Variants in NPAS3 observed in about 807,000 individuals in gnomAD.
The protein encoded by NPAS3 is neuronal PAS domain-containing protein 3.
Under a neutral mutation model 73.1 loss-of-function variants are expected in NPAS3, and 14 were observed. The ratio of observed to expected loss-of-function variants is 0.19; its 90% CI spans 0.13 to 0.30. The LOEUF is 0.30. Ranked by LOEUF, NPAS3 falls within the 10% of genes least tolerant of loss-of-function variation. The probability of loss-of-function intolerance (pLI) is 1.00; values close to 1 mark genes in which losing one functional copy is unlikely to be tolerated. For missense variants in NPAS3, 1,096 were observed against 1,250.0 expected, an observed-to-expected ratio of 0.88 and a Z score of 1.86; for synonymous variants, 620 against 541.5, an observed-to-expected ratio of 1.14 and a Z score of -2.01.
chr14:33,749,452 T>A (rs1221984766), intron 7 of NPAS3, among the ~76,000 whole-genome samples: 2 of 152,218 alleles, frequency 1.3e-5, no homozygotes, highest in Non-Finnish European at 2.9e-5. Flanking sequence ...AATGCTCTTC[T>A]GTGATGAGTG....
intron 4 of NPAS3, among the ~76,000 whole-genome samples, chr14:33,403,040 A>G (rs1328596023): frequency 6.6e-6 from 1 of 152,096 alleles, no homozygotes; most frequent in Non-Finnish European, 1.5e-5. Flanking sequence ...AGGGGCTTAA[A>G]AATTTCTAAA....
At chr14:33,750,990 C>G (rs2061947131) in intron 7 of NPAS3, among the ~76,000 whole-genome samples, 1 of 152,062 alleles carries the variant, frequency 6.6e-6, no homozygotes, top group Admixed American at 6.6e-5. Flanking sequence ...GAACTCTAAA[C>G]AGAGGGAATG....
intron 4 of NPAS3, among the ~76,000 whole-genome samples, chr14:33,485,536 TC>T: frequency 6.6e-6 from 1 of 152,114 alleles, no homozygotes; most frequent in South Asian, 2.1e-4. Flanking sequence ...GATTTAGAGG[TC>T]CCCCGACTAC....
At chr14:33,424,145 G>A (rs1167423277) in intron 4 of NPAS3, among the ~76,000 whole-genome samples, 20 of 151,990 alleles carry the variant, frequency 1.3e-4, no homozygotes, top group Non-Finnish European at 2.9e-5. Context: ...GGTTTGAAAG[G>A]TATGATTTCC....
chr14:33,732,225 A>G (rs977244835), intron 6 of NPAS3, among the ~76,000 whole-genome samples: 1 of 152,144 alleles, frequency 6.6e-6, no homozygotes, highest in Non-Finnish European at 1.5e-5. Flanking sequence ...ACATGCACGC[A>G]TGTGCACGCA....
chr14:33,602,997 C>T (rs1043639505), intron 5 of NPAS3, among the ~76,000 whole-genome samples: 5 of 152,086 alleles, frequency 3.3e-5, no homozygotes, highest in South Asian at 2.1e-4. Flanking sequence ...TCCAATCATA[C>T]GTACCAGATG....
At chr14:33,546,429 A>G (rs972821789) in intron 4 of NPAS3, among the ~76,000 whole-genome samples, 1 of 152,216 alleles carries the variant, frequency 6.6e-6, no homozygotes, top group African/African-American at 2.4e-5. Context: ...TATAAGGGGC[A>G]TTAGTAATAA....
rs1356077746 is a variant in NPAS3 at position 33,334,483 on chromosome 14, T to A, written c.386-32703T>A. 2.6e-5 allele frequency among the ~76,000 whole-genome samples: 4 copies of A among 152,194 alleles called. No individual in the cohort carries two copies. In the East Asian group the frequency reaches 7.7e-4, roughly 29 times the overall value. The stretch of plus-strand genomic sequence containing the variant: ...CATGTAAGTGTAATCTTATAAGATG[T>A]AGTCTTCTGTGCTTGACTGCTTTTA... On this transcript the variant is annotated intron_variant, in intron 3 of 11. Transcript: ENST00000356141.
chr14:33,721,831 A>G (rs981830246), intron 6 of NPAS3, among the ~76,000 whole-genome samples: 1 of 152,188 alleles, frequency 6.6e-6, no homozygotes, highest in East Asian at 1.9e-4. Context: ...CAAGCTATTG[A>G]AAAATACGGA....
chr14:33,245,312 G>C (rs1332750332), intron 3 of NPAS3, among the ~76,000 whole-genome samples: 1 of 152,074 alleles, frequency 6.6e-6, no homozygotes, highest in East Asian at 1.9e-4. Context: ...GTTCTATTAA[G>C]TGCACTTCAT....
At chr14:33,553,194 C>CTA (rs1309626130) in intron 4 of NPAS3, among the ~76,000 whole-genome samples, 4 of 152,194 alleles carry the variant, frequency 2.6e-5, no homozygotes, top group Admixed American at 2.0e-4. Flanking sequence ...AAAGCCTAAA[C>CTA]TAGCATCCCA....
At chr14:33,691,543 G>C (rs1199145859) in intron 6 of NPAS3, among the ~76,000 whole-genome samples, 1 of 152,188 alleles carries the variant, frequency 6.6e-6, no homozygotes, top group Non-Finnish European at 1.5e-5. Context: ...TTTGGTGCAA[G>C]GAGAAATGAA....
At chr14:33,282,887 A>G (rs1486998221) in intron 3 of NPAS3, among the ~76,000 whole-genome samples, 1 of 152,180 alleles carries the variant, frequency 6.6e-6, no homozygotes, top group African/African-American at 2.4e-5. Flanking sequence ...ATATTTTAAA[A>G]TCCATTTTAA....
chr14:33,674,227 T>TA (rs2059691168), intron 5 of NPAS3, among the ~76,000 whole-genome samples: 2 of 151,916 alleles, frequency 1.3e-5, no homozygotes, highest in Admixed American at 6.6e-5. Flanking sequence ...CCAGCTCCCC[T>TA]AAAAAAATCT....
At chr14:33,664,927 A>C (rs532463867) in intron 5 of NPAS3, among the ~76,000 whole-genome samples, 20 of 152,324 alleles carry the variant, frequency 1.3e-4, no homozygotes, top group African/African-American at 4.8e-4. Context: ...AACTCGTTCA[A>C]CCATTGTGGA....
chr14:32,976,611 T>C (rs2037689336), intron 1 of NPAS3, among the ~76,000 whole-genome samples: 1 of 152,192 alleles, frequency 6.6e-6, no homozygotes. Flanking sequence ...CATATCTCTT[T>C]CCAGCTGTCT....
chr14:33,611,054 G>A (rs933089549), intron 5 of NPAS3: 1 of 152,150 alleles, frequency 6.6e-6, no homozygotes, highest in African/African-American at 2.4e-5. Flanking sequence ...GTTCATAACT[G>A]CTGCATTGTG....
chr14:33,474,093 G>A (rs1293096094), intron 4 of NPAS3, among the ~76,000 whole-genome samples: 3 of 152,132 alleles, frequency 2.0e-5, no homozygotes, highest in Non-Finnish European at 4.4e-5. Flanking sequence ...GGGAACGTTC[G>A]CTTTCTCCAG....
At chr14:33,638,901 T>G (rs1567077069) in intron 5 of NPAS3, among the ~76,000 whole-genome samples, 1 of 152,192 alleles carries the variant, frequency 6.6e-6, no homozygotes, top group Non-Finnish European at 1.5e-5. Flanking sequence ...TGACTTCTAG[T>G]ATTATTTTTC....
Sources: allele counts gnomAD v4.1 joint callset (sites outside exome capture counted in the v4.1 genomes callset), GRCh38; gene constraint gnomAD v4.1.1; transcripts MANE v1.5; gene names NCBI Gene and HGNC (gene_info 2026-07-23, HGNC 2026-07-21).